ARGFX: variants seen among roughly 807,000 people sequenced by gnomAD.
ARGFX encodes arginine-fifty homeobox.
ARGFX carries 10 observed loss-of-function variants against 8.0 expected under a neutral mutation model. The observed-to-expected ratio is 1.25, with a 90% confidence interval of 0.77 to 2.12. The LOEUF (loss-of-function observed/expected upper bound fraction) is 2.12. ARGFX is among the 30% of genes most tolerant of loss of function. The pLI, the probability that ARGFX is intolerant of heterozygous loss-of-function variation, is 0.00. For missense variants in ARGFX, 282 were observed against 324.3 expected, an observed-to-expected ratio of 0.87 and a Z score of 1.00; for synonymous variants, 116 against 117.8, an observed-to-expected ratio of 0.98 and a Z score of 0.10.
chr3:121,586,238 A>G lies in ARGFX; in HGVS notation c.586A>G (p.Thr196Ala), dbSNP rs2048812147. 1 of 1,613,672 alleles carries G rather than the reference A, an allele frequency of 6.2e-7. No individual in the cohort carries two copies. Among genetic ancestry groups the G allele is most frequent in the Admixed American group, 1.7e-5 (1 of 59,962 alleles). The change falls in exon 5 of 5, where the codon ACT becomes GCT. Residue 196 changes from threonine (T) to alanine (A), a missense_variant. By Grantham distance (58) the Thr-to-Ala change is moderately conservative. Transcript: ENST00000334384. ...PSNWAWNSTFTESSTSDFQMQ... is the reference protein window; with the variant it reads ...PSNWAWNSTFAESSTSDFQMQ... ...CAATTGGGCATGGAACTCTACCTTC[A>G]CTGAGAGTTCTACCAGTGACTTCCA...
intron 3 of ARGFX, among the ~76,000 whole-genome samples, chr3:121,584,196 CAG>C (rs1293367264): frequency 6.2e-5 from 6 of 96,636 alleles, no homozygotes; most frequent in Admixed American, 3.1e-4. Context: ...GAGAGAGAGA[CAG>C]AGAGAGAGGA....
chr3:121,568,470 G>A (rs1004435449), intron 1 of ARGFX, among the ~76,000 whole-genome samples: 14 of 152,200 alleles, frequency 9.2e-5, no homozygotes, highest in African/African-American at 2.9e-4. Context: ...TGATAGCCTC[G>A]ATCAGGGAAA....
At chr3:121,568,067 A>G (rs1213514336) in intron 1 of ARGFX, among the ~76,000 whole-genome samples, 54 bp downstream of exon 1, 1 of 152,166 alleles carries the variant, frequency 6.6e-6, no homozygotes, top group Non-Finnish European at 1.5e-5. Context: ...TAAGTGCTCA[A>G]AGAGGATTTG....
At chr3:121,571,082 TAGAC>T (rs2048705484) in intron 2 of ARGFX, among the ~76,000 whole-genome samples, 1 of 152,164 alleles carries the variant, frequency 6.6e-6, no homozygotes, top group Non-Finnish European at 1.5e-5. Flanking sequence ...ATCTGAAACA[TAGAC>T]AGATAGAAAC....
At position 121,577,241 on chromosome 3, in the gene ARGFX, ATATATATATATATATATATTT is replaced by A. The variant is rs1340458836; in HGVS notation, c.220+343_220+363del. Among the ~76,000 whole-genome samples the A allele has an allele frequency of 5.2e-4, 34 of 65,294 alleles. 2 individuals are homozygous for A. Among genetic ancestry groups the A allele is most frequent in the African/African-American group, 2.1e-3 (32 of 15,558 alleles). The allele number at this position is 65,294 out of a possible 152,430, so 42.8% of individuals were successfully genotyped here. On this transcript the variant is annotated intron_variant, in intron 3 of 4. Coordinates refer to ENST00000334384, the MANE Select transcript of ARGFX (RefSeq NM_001012659.2). ...TCTACATGTACATATATATATATAT[ATATATATATATATATATATTT>A]TTTTTTTTTTAAATGGAGTCTCACT...
At chr3:121,575,985 T>C (rs1330466241) in intron 2 of ARGFX, among the ~76,000 whole-genome samples, 1 of 151,686 alleles carries the variant, frequency 6.6e-6, no homozygotes, top group Non-Finnish European at 1.5e-5. Flanking sequence ...AAGAGGAAAA[T>C]AAGGTCTCAT....
chr3:121,570,587 G>C (rs554473533), intron 1 of ARGFX, 115 bp from the exon 2 acceptor site: 1 of 525,660 alleles, frequency 1.9e-6, no homozygotes, highest in South Asian at 3.8e-5. Flanking sequence ...GAGGAATTGG[G>C]GGTTAACCTC....
chr3:121,573,917 T>C (rs1246561817), intron 2 of ARGFX, among the ~76,000 whole-genome samples: 1 of 144,052 alleles, frequency 6.9e-6, no homozygotes. Flanking sequence ...GATATACAAA[T>C]GGACAAATCC....
chr3:121,575,180 C>G (rs1351796662), intron 2 of ARGFX, among the ~76,000 whole-genome samples: 1 of 152,014 alleles, frequency 6.6e-6, no homozygotes. Flanking sequence ...ATTAGCTGAG[C>G]GTGGTGGCGT....
At chr3:121,580,608 T>A (rs533237) in intron 3 of ARGFX, among the ~76,000 whole-genome samples, 16,181 of 107,058 alleles carry the variant, frequency 0.15, 1,229 homozygotes, top group South Asian at 0.18. Context: ...ATATATATAT[T>A]TTTTTTTTTT....
intron 3 of ARGFX, among the ~76,000 whole-genome samples, chr3:121,579,105 A>G (rs1431179418): frequency 6.6e-6 from 1 of 152,196 alleles, no homozygotes; most frequent in East Asian, 1.9e-4. Context: ...AAATAGATCA[A>G]AGTTTTCAGA....
In ARGFX at chr3:121,586,220, G is replaced by A. The variant is rs2048812032; in HGVS notation, c.568G>A (p.Ala190Thr). 1.2e-6 allele frequency: 2 copies of A among 1,613,742 alleles called. No individual in the cohort carries two copies. Among genetic ancestry groups the A allele is most frequent in the African/African-American group, 1.3e-5 (1 of 74,850 alleles). ...PSQPLDPSNW[A>T]WNSTFTESST... ...TCAGCCCTTAGACCCTTCCAATTGG[G>A]CATGGAACTCTACCTTCACTGAGAG... The change falls in exon 5 of 5, where the codon GCA becomes ACA. Residue 190 changes from alanine to threonine, a missense_variant. Physicochemically the swap from Ala to Thr is moderately conservative, Grantham distance 58 (BLOSUM62 0). Transcript: ENST00000334384.
intron 3 of ARGFX, among the ~76,000 whole-genome samples, chr3:121,582,300 T>G (rs2048784488): frequency 6.6e-6 from 1 of 152,108 alleles, no homozygotes; most frequent in Non-Finnish European, 1.5e-5. Flanking sequence ...AAATATTGTA[T>G]CACAAACTAC....
intron 3 of ARGFX, among the ~76,000 whole-genome samples, chr3:121,577,240 TA>T (rs1560120402): frequency 0.016 from 1,079 of 65,820 alleles, 40 homozygotes; most frequent in African/African-American, 0.06. Context: ...TATATATATA[TA>T]TATATATATA....
At chr3:121,570,662 C>T in intron 1 of ARGFX, 40 bp from the exon 2 acceptor site, 1 of 1,353,160 alleles carries the variant, frequency 7.4e-7, no homozygotes, top group Non-Finnish European at 1.0e-6. Flanking sequence ...CGAATGAATT[C>T]CTCATCAGCA....
chr3:121,584,884 T>C (rs1297573602), intron 3 of ARGFX, 33 bp from the exon 4 acceptor site: 4 of 1,591,820 alleles, frequency 2.5e-6, no homozygotes, highest in African/African-American at 1.3e-5. Context: ...GTAATGTAAA[T>C]GTAACCACCC....
rs760305121 is a variant in ARGFX, at chr3:121,586,354, C to T, written c.702C>T (p.Tyr234=). ...AYDIFQIIEL[Y]NLPDENEISS... ...ACATATTCCAAATCATAGAACTGTACAATCTTCCTGATGAGAATGAGATAT... is the reference window on the plus strand; with the variant it reads ...ACATATTCCAAATCATAGAACTGTATAATCTTCCTGATGAGAATGAGATAT... The change falls in exon 5 of 5, where the codon TAC becomes TAT. Residue 234 remains tyrosine, a synonymous_variant. Transcript: ENST00000334384. 1.1e-5 allele frequency: 18 copies of T among 1,614,216 alleles called. No homozygotes were observed. In the South Asian group the frequency reaches 1.8e-4, roughly 16 times the overall value.
At chr3:121,582,582 G>A (rs756358698) in intron 3 of ARGFX, among the ~76,000 whole-genome samples, 2 of 152,156 alleles carry the variant, frequency 1.3e-5, no homozygotes, top group South Asian at 2.1e-4. Context: ...ATCTACGTTC[G>A]TAAGTGGCAT....
Position 121,589,303 on chromosome 3 carries a change from A to G in ARGFX, c.*2703A>G, listed in dbSNP as rs1264997560. Among the ~76,000 whole-genome samples the G allele has an allele frequency of 6.6e-5, 10 of 152,342 alleles. No homozygotes were observed. In the South Asian group the frequency reaches 1.7e-3, roughly 25 times the overall value. ...GCTTAGAAGGAAATTTATAGCTTCA[A>G]ATACTTATATACATATTTTTTAAAA... On this transcript the variant is annotated 3_prime_UTR_variant, in exon 5 of 5. Transcript: ENST00000334384.
Sources: allele counts gnomAD v4.1 joint callset (sites outside exome capture counted in the v4.1 genomes callset), GRCh38; gene constraint gnomAD v4.1.1; transcripts MANE v1.5; gene names NCBI Gene and HGNC (gene_info 2026-07-23, HGNC 2026-07-21).